Variants in FRMD4A observed in about 807,000 individuals in gnomAD.
FRMD4A encodes the protein FERM domain containing 4A, also known as FERM domain-containing protein 4A.
In FRMD4A, 29 loss-of-function variants were observed where a neutral mutation model predicts 129.1. The observed-to-expected ratio is 0.22, with a 90% CI of 0.17 to 0.31. The LOEUF (loss-of-function observed/expected upper bound fraction) is 0.31. Ranked by LOEUF, FRMD4A falls within the 10% of genes least tolerant of loss-of-function variation. The pLI is 1.00. For synonymous variants in FRMD4A, 634 were observed against 571.6 expected (o/e 1.11, Z -1.56); for missense variants, 1,272 against 1,375.8 (o/e 0.92, Z 1.19).
chr10:13,798,391 G>A (rs903554830), intron 4 of FRMD4A, among the ~76,000 whole-genome samples: 2 of 151,826 alleles, frequency 1.3e-5, no homozygotes, highest in Non-Finnish European at 1.5e-5. Flanking sequence ...TAGCCTAGGC[G>A]ACAGAGACTC....
chr10:13,653,742 G>C (rs1392433465), intron 23 of FRMD4A: 3 of 152,676 alleles, frequency 2.0e-5, no homozygotes, highest in Non-Finnish European at 4.4e-5. Flanking sequence ...GAAGAGGCAG[G>C]TGCTGTAGGG....
At chr10:14,163,164 G>A (rs867566572) in intron 2 of FRMD4A, among the ~76,000 whole-genome samples, 2 of 152,150 alleles carry the variant, frequency 1.3e-5, no homozygotes, top group Non-Finnish European at 2.9e-5. Flanking sequence ...TCTTTGTTGA[G>A]TTTCATGGTA....
chr10:13,792,767 G>A (rs964207267), intron 5 of FRMD4A, among the ~76,000 whole-genome samples: 3 of 152,172 alleles, frequency 2.0e-5, no homozygotes, highest in Admixed American at 1.3e-4. Context: ...TTGAAAAACT[G>A]GATGGACCAG....
chr10:13,782,454 T>A (rs1272469704), intron 6 of FRMD4A, among the ~76,000 whole-genome samples: 1 of 151,350 alleles, frequency 6.6e-6, no homozygotes, highest in African/African-American at 2.4e-5. Context: ...ATTCCTTTTT[T>A]TTTTTTTTGA....
chr10:14,142,866 A>C (rs1252271275), intron 2 of FRMD4A, among the ~76,000 whole-genome samples: 1 of 152,232 alleles, frequency 6.6e-6, no homozygotes, highest in Non-Finnish European at 1.5e-5. Context: ...CCAAAGAAGA[A>C]ATATGAATGG....
chr10:13,927,620 GTC>G (rs2131275614), intron 2 of FRMD4A, among the ~76,000 whole-genome samples: 1 of 152,334 alleles, frequency 6.6e-6, no homozygotes, highest in South Asian at 2.1e-4. Context: ...CAGAACGAGA[GTC>G]TAGTTATTTC....
At chr10:14,141,061 G>C (rs1839810332) in intron 2 of FRMD4A, among the ~76,000 whole-genome samples, 1 of 152,094 alleles carries the variant, frequency 6.6e-6, no homozygotes, top group African/African-American at 2.4e-5. Context: ...CCTGGTAAGA[G>C]GACAGATGCC....
intron 2 of FRMD4A, among the ~76,000 whole-genome samples, chr10:13,902,090 C>G (rs78564881): frequency 0.027 from 4,130 of 152,236 alleles, 169 homozygotes; most frequent in East Asian, 0.17. Flanking sequence ...GATCATAGCT[C>G]ACTGTAACCT....
chr10:13,707,615 A>C (rs1177504078), intron 12 of FRMD4A: 47 of 988,784 alleles, frequency 4.8e-5, no homozygotes, highest in Admixed American at 5.8e-5. Context: ...TCAAATTCCC[A>C]GCCTCCCATC....
chr10:13,707,569 A>G, intron 12 of FRMD4A: 3 of 990,570 alleles, frequency 3.0e-6, no homozygotes, highest in South Asian at 4.6e-5. Flanking sequence ...TGCTGAACTG[A>G]GCTTCCTCCC....
intron 2 of FRMD4A, among the ~76,000 whole-genome samples, chr10:14,085,427 C>T (rs1035271576): frequency 4.6e-5 from 7 of 152,210 alleles, no homozygotes; most frequent in Admixed American, 3.3e-4. Flanking sequence ...AGTAGCTTTT[C>T]AGCAGTTCTT....
intron 2 of FRMD4A, among the ~76,000 whole-genome samples, chr10:14,011,569 AG>A (rs1184923251): frequency 6.6e-6 from 1 of 152,150 alleles, no homozygotes; most frequent in Non-Finnish European, 1.5e-5. Context: ...GCCAGTTGAA[AG>A]GGAACTGTGG....
At chr10:14,246,080 CT>C (rs1448621372) in intron 2 of FRMD4A, among the ~76,000 whole-genome samples, 1 of 152,156 alleles carries the variant, frequency 6.6e-6, no homozygotes, top group African/African-American at 2.4e-5. Flanking sequence ...CTGCGAGGGG[CT>C]CCTCAGATGC....
chr10:13,707,602 C>T lies in FRMD4A; in HGVS notation c.760-489G>A, dbSNP rs528724028. 22 of 988,288 alleles carry T rather than the reference C, an allele frequency of 2.2e-5. No homozygotes were observed. The South Asian group carries it at 2.3e-4, about 10-fold the overall frequency. The allele number at this position is 988,288 out of a possible 1,614,324, so 61.2% of individuals were successfully genotyped here. On this transcript the variant is annotated intron_variant, in intron 12 of 24. Coordinates refer to ENST00000357447, the MANE Select transcript of FRMD4A (RefSeq NM_018027.5). ...CCCCTCCAGTGCTGAAATGGGAAGG[C>T]GTTCAAATTCCCAGCCTCCCATCGG...
chr10:14,135,476 G>C (rs760905660), intron 2 of FRMD4A, among the ~76,000 whole-genome samples: 3 of 152,152 alleles, frequency 2.0e-5, no homozygotes, highest in Non-Finnish European at 2.9e-5. Context: ...TCCACCATGT[G>C]GCTGCGTTGG....
At position 13,741,934 on chromosome 10, in the gene FRMD4A, G is replaced by A. The variant is rs6602682; in HGVS notation, c.549-1357C>T. 6.6e-3 allele frequency among the ~76,000 whole-genome samples: 1,000 copies of A among 152,112 alleles called. 10 individuals carry two copies. Among genetic ancestry groups the A allele is most frequent in the African/African-American group, 0.021 (876 of 41,472 alleles). ...TGCTGTGGAGCGATCTTGGCTCACCGCAACCTCTGCCTCCCAGTTTAAAGC... is the reference window on the plus strand; with the variant it reads ...TGCTGTGGAGCGATCTTGGCTCACCACAACCTCTGCCTCCCAGTTTAAAGC... On this transcript the variant is annotated intron_variant, in intron 9 of 24. Transcript: ENST00000357447.
chr10:14,151,128 G>A (rs1358198289), intron 2 of FRMD4A, among the ~76,000 whole-genome samples: 2 of 152,138 alleles, frequency 1.3e-5, no homozygotes, highest in African/African-American at 4.8e-5. Flanking sequence ...TAGGGTATCT[G>A]TCCACTGCAG....
intron 2 of FRMD4A, among the ~76,000 whole-genome samples, chr10:13,889,473 A>G (rs1037908618): frequency 6.6e-6 from 1 of 152,168 alleles, no homozygotes; most frequent in Non-Finnish European, 1.5e-5. Flanking sequence ...GAAATCAGCA[A>G]CTCACTGAAC....
intron 2 of FRMD4A, among the ~76,000 whole-genome samples, chr10:14,128,104 C>A (rs866024886): frequency 1.6e-5 from 1 of 62,726 alleles, no homozygotes; most frequent in East Asian, 5.1e-4. Context: ...TTCTTTCTTT[C>A]TTTTCTTTTC....
Sources: gnomAD v4.1 joint callset for allele counts (sites outside exome capture counted in the v4.1 genomes callset) on GRCh38, gnomAD v4.1.1 for gene constraint, MANE v1.5 for transcripts, NCBI Gene and HGNC (gene_info 2026-07-23, HGNC 2026-07-21) for gene names.